BBS4: variants seen among roughly 807,000 people sequenced by gnomAD.
The protein encoded by BBS4 is Bardet-Biedl syndrome 4.
Under a neutral mutation model 71.4 loss-of-function variants are expected in BBS4, and 58 were observed. The ratio of observed to expected loss-of-function variants is 0.81; its 90% CI spans 0.66 to 1.01. BBS4 has a LOEUF of 1.01. Among genes scored for constraint, BBS4 ranks in the 50% least tolerant of loss-of-function variants. The pLI is 0.00. For synonymous variants in BBS4, 228 were observed against 216.8 expected (o/e 1.05, Z -0.46); for missense variants, 660 against 607.9 (o/e 1.09, Z -0.90).
intron 15 of BBS4, 58 bp from the exon 16 acceptor site, chr15:72,737,420 G>C: frequency 6.9e-7 from 1 of 1,450,180 alleles, no homozygotes; most frequent in Non-Finnish European, 9.5e-7. Flanking sequence ...CAGCAAAAAA[G>C]AATGATTTCT....
chr15:72,735,217 T>C, intron 13 of BBS4, 35 bp downstream of exon 13: 1 of 1,548,548 alleles, frequency 6.5e-7, no homozygotes, highest in Non-Finnish European at 8.9e-7. Context: ...CTGGCGGGGG[T>C]TGGACTCTCC....
At chr15:72,704,307 C>T (rs967269156) in intron 2 of BBS4, 1 of 538,044 alleles carries the variant, frequency 1.9e-6, no homozygotes, top group Non-Finnish European at 3.1e-6. Context: ...TGCTTTATTG[C>T]AAAATAGGGG....
chr15:72,696,255 A>G (rs1309046499), intron 2 of BBS4, among the ~76,000 whole-genome samples: 3 of 152,204 alleles, frequency 2.0e-5, no homozygotes, highest in African/African-American at 7.2e-5. Context: ...AATTTCTGAT[A>G]ATATTCCTTG....
chr15:72,727,789 T>C (rs1230933376), intron 8 of BBS4, 151 bp from the exon 9 acceptor site: 3 of 681,744 alleles, frequency 4.4e-6, no homozygotes, highest in Non-Finnish European at 8.0e-6. Context: ...CTACTTTTGA[T>C]GGCAATTCCC....
At chr15:72,707,031 G>A (rs1424658559) in intron 2 of BBS4, among the ~76,000 whole-genome samples, 1 of 151,572 alleles carries the variant, frequency 6.6e-6, no homozygotes, top group African/African-American at 2.4e-5. Flanking sequence ...GTCACAGTAA[G>A]CTTTTTTTTT....
intron 1 of BBS4, among the ~76,000 whole-genome samples, chr15:72,691,927 C>T (rs1301134348): frequency 6.9e-6 from 1 of 144,164 alleles, no homozygotes; most frequent in Non-Finnish European, 1.5e-5. Flanking sequence ...TGTGCCACTG[C>T]ACTTCAGCTT....
intron 2 of BBS4, among the ~76,000 whole-genome samples, chr15:72,700,748 A>G (rs1363939703): frequency 1.3e-5 from 2 of 151,970 alleles, no homozygotes; most frequent in Non-Finnish European, 2.9e-5. Flanking sequence ...TTATTAAGGT[A>G]TCTTTTGATG....
In BBS4 at chr15:72,716,760, A is replaced by G. The variant is rs760730921; in HGVS notation, c.333-18A>G. 1 of 1,573,738 alleles carries G rather than the reference A, an allele frequency of 6.4e-7. No homozygotes were observed. Among genetic ancestry groups the G allele is most frequent in the African/African-American group, 1.3e-5 (1 of 74,226 alleles). The stretch of plus-strand genomic sequence containing the variant: ...AAGAATTTTGAGGTAATAATTATGG[A>G]AAATATATCTTTTACAGATTTCTTT... On this transcript the variant is annotated intron_variant, in intron 5 of 15. Coordinates refer to ENST00000268057, the MANE Select transcript of BBS4 (RefSeq NM_033028.5).
At position 72,735,829 on chromosome 15, in the gene BBS4, A is replaced by T. The variant is rs761344496; in HGVS notation, c.1111A>T (p.Asn371Tyr). 1 of 1,614,174 alleles carries T rather than the reference A, an allele frequency of 6.2e-7. No individual in the cohort carries two copies. The highest frequency in any genetic ancestry group is 2.2e-5 in the East Asian group (1 of 44,886). ...YAEAVHLDKC[N>Y]PLVNLNYAVL... is the part of the protein sequence containing the mutation. Reference sequence around the variant, plus strand: ...TAGAATCTCTGTCTGCCACAGGTGTAACCCTTTAGTAAACCTGAACTATGC... The same window carrying T: ...TAGAATCTCTGTCTGCCACAGGTGTTACCCTTTAGTAAACCTGAACTATGC... Residue 371 changes from asparagine (N) to tyrosine (Y), a missense_variant, in exon 14 of 16, where the codon AAC becomes TAC. Transcript: ENST00000268057.
chr15:72,728,918 A>T (rs1348032464), intron 9 of BBS4, among the ~76,000 whole-genome samples: 1 of 152,122 alleles, frequency 6.6e-6, no homozygotes, highest in Non-Finnish European at 1.5e-5. Flanking sequence ...TTTAAAAGGA[A>T]TCAGGAGCTT....
At chr15:72,697,964 T>A in intron 2 of BBS4, 1 of 455,954 alleles carries the variant, frequency 2.2e-6, no homozygotes, top group South Asian at 1.5e-5. Context: ...TGAAGTCCTC[T>A]TCCTTTTGCC....
At position 72,686,210 on chromosome 15, in the gene BBS4, G is replaced by A. The variant is rs1249806458; in HGVS notation, c.-18G>A. 1.9e-6 allele frequency: 3 copies of A among 1,558,104 alleles called. No homozygotes were observed. Among genetic ancestry groups the A allele is most frequent in the African/African-American group, 1.4e-5 (1 of 73,590 alleles). ...GAAACCGCCGACTTCCGGCCGCGCA[G>A]CGGTGGGCTGAGCTAAAATGGCTGA... On this transcript the variant is annotated 5_prime_UTR_variant, in exon 1 of 16. Transcript: ENST00000268057.
chr15:72,735,456 A>G (rs772479338), intron 13 of BBS4: 1 of 527,256 alleles, frequency 1.9e-6, no homozygotes, highest in Non-Finnish European at 3.4e-6. Flanking sequence ...GCTGATAGCT[A>G]TGGGCTAGCT....
chr15:72,731,814 A>G, intron 12 of BBS4, 88 bp downstream of exon 12: 1 of 1,487,016 alleles, frequency 6.7e-7, no homozygotes, highest in Non-Finnish European at 9.3e-7. Context: ...TGGCTGTCTC[A>G]TAGGAGCCAT....
rs1024255380 is a variant in BBS4, at chr15:72,711,152, T to C, written c.157-1092T>C. The stretch of plus-strand genomic sequence containing the variant: ...ATCCGAAGGCAGATACCAGTATGAA[T>C]CTTTTTTTTTTTGAGATGGAGTTTT... On this transcript the variant is annotated intron_variant, in intron 3 of 15. Coordinates refer to ENST00000268057, the MANE Select transcript of BBS4 (RefSeq NM_033028.5). 1.3e-5 allele frequency among the ~76,000 whole-genome samples: 2 copies of C among 150,280 alleles called. 1 individual carries two copies. The highest frequency in any genetic ancestry group is 4.9e-5 in the African/African-American group (2 of 40,748).
intron 8 of BBS4, among the ~76,000 whole-genome samples, chr15:72,725,750 TC>T (rs1340098315): frequency 1.5e-5 from 1 of 65,264 alleles, no homozygotes; most frequent in Non-Finnish European, 2.7e-5. Flanking sequence ...CCTTTCCCTT[TC>T]CCCCTTCCCC....
At chr15:72,723,048 A>G (rs1270870103) in intron 7 of BBS4, among the ~76,000 whole-genome samples, 1 of 152,022 alleles carries the variant, frequency 6.6e-6, no homozygotes, top group Non-Finnish European at 1.5e-5. Context: ...AAGAACATGG[A>G]AAGTTCTAGA....
chr15:72,716,631 T>C (rs2065472487), intron 5 of BBS4, 147 bp from the exon 6 acceptor site: 1 of 667,718 alleles, frequency 1.5e-6, no homozygotes, highest in East Asian at 2.8e-5. Context: ...GTATAGCAGC[T>C]TCACTGACCA....
intron 1 of BBS4, among the ~76,000 whole-genome samples, chr15:72,687,663 C>T (rs2064887133): frequency 6.6e-6 from 1 of 151,822 alleles, no homozygotes; most frequent in Non-Finnish European, 1.5e-5. Context: ...CTCAGTGGCT[C>T]ACGCCTGTAA....
Sources: allele counts gnomAD v4.1 joint callset (sites outside exome capture counted in the v4.1 genomes callset), GRCh38; gene constraint gnomAD v4.1.1; transcripts MANE v1.5; gene names NCBI Gene and HGNC (gene_info 2026-07-23, HGNC 2026-07-21).